SFI1: variants seen among roughly 807,000 people sequenced by gnomAD.
The protein encoded by SFI1 is protein SFI1 homolog.
SFI1 carries 195 observed loss-of-function variants against 207.5 expected under a neutral mutation model. The observed-to-expected ratio is 0.94, with a 90% confidence interval of 0.84 to 1.06. SFI1 has a LOEUF of 1.06. Ranked by LOEUF, SFI1 falls within the 50% of genes least tolerant of loss-of-function variation. The pLI is 0.00. For missense variants in SFI1, 1,634 were observed against 1,588.0 expected (o/e 1.03, Z -0.49); for synonymous variants, 630 against 598.9 (o/e 1.05, Z -0.76).
intron 4 of SFI1, among the ~76,000 whole-genome samples, chr22:31,540,120 G>C (rs961570934): frequency 6.7e-5 from 8 of 119,870 alleles, no homozygotes. Context: ...GTCTCTGAAG[G>C]CCTTTCCCCT....
intron 2 of SFI1, among the ~76,000 whole-genome samples, chr22:31,525,188 C>A (rs910937532): frequency 4.6e-5 from 7 of 152,092 alleles, no homozygotes; most frequent in Non-Finnish European, 8.8e-5. Flanking sequence ...TTTACTTTTG[C>A]TTTTGTTGCC....
chr22:31,553,837 T>C (rs764879873), intron 6 of SFI1, among the ~76,000 whole-genome samples: 5 of 113,094 alleles, frequency 4.4e-5, no homozygotes, highest in Admixed American at 3.0e-4. Context: ...TAATGGATTA[T>C]GTTTTTTTTT....
intron 20 of SFI1, 46 bp downstream of exon 20, chr22:31,604,991 A>G (rs2068729115): frequency 1.3e-6 from 2 of 1,522,806 alleles, no homozygotes; most frequent in South Asian, 1.3e-5. Flanking sequence ...GGAACAAGGA[A>G]TGCACTCCAA....
Position 31,602,805 on chromosome 22 carries a change from T to G in SFI1, c.1805+20T>G. On this transcript the variant is annotated intron_variant, in intron 17 of 32. Transcript: ENST00000400288. ...AACAGAGTGAGTGGCCAGTTCTGCC[T>G]TACAAGCCTTTCCATCACAGGCCAG... is the stretch of plus-strand genomic sequence containing the variant. 6.2e-7 allele frequency: 1 copy of G among 1,607,408 alleles called. No individual in the cohort carries two copies. The highest frequency in any genetic ancestry group is 2.2e-5 in the East Asian group (1 of 44,786).
intron 2 of SFI1, among the ~76,000 whole-genome samples, chr22:31,526,389 A>G (rs935858758): frequency 3.3e-5 from 5 of 152,190 alleles, no homozygotes; most frequent in African/African-American, 1.2e-4. Flanking sequence ...AAAGCCCCAT[A>G]TAAAACCATC....
Position 31,528,744 on chromosome 22 carries a change from C to A in SFI1, c.147C>A (p.Asn49Lys). The stretch of plus-strand genomic sequence containing the variant: ...CTTATTCTGCAAAGACACTGTCCAA[C>A]AAGAAGTCTTCTGCATCCTTTGGGA... ...KKPYSAKTLS[N>K]KKSSASFGIR... is the part of the protein sequence containing the mutation. The change falls in exon 3 of 33, where the codon AAC becomes AAA. Residue 49 changes from asparagine to lysine, a missense_variant. Coordinates refer to ENST00000400288, the MANE Select transcript of SFI1 (RefSeq NM_001007467.3). 4 of 1,614,180 alleles carry A rather than the reference C, an allele frequency of 2.5e-6. No homozygotes were observed. The highest frequency in any genetic ancestry group is 3.4e-6 in the Non-Finnish European group (4 of 1,180,022).
chr22:31,503,315 G>A (rs892983992), intron 1 of SFI1, among the ~76,000 whole-genome samples: 2 of 152,098 alleles, frequency 1.3e-5, no homozygotes, highest in African/African-American at 2.4e-5. Flanking sequence ...CAGAAGTGGC[G>A]TGAATACCCT....
chr22:31,576,228 T>C (rs1328687712), intron 10 of SFI1, among the ~76,000 whole-genome samples: 2 of 152,092 alleles, frequency 1.3e-5, no homozygotes, highest in African/African-American at 4.8e-5. Context: ...TTTCGCCATG[T>C]TGGCCAGGCT....
At chr22:31,532,909 G>T (rs569630278) in intron 4 of SFI1, among the ~76,000 whole-genome samples, 1 of 152,312 alleles carries the variant, frequency 6.6e-6, no homozygotes, top group South Asian at 2.1e-4. Context: ...GGGAATTGGG[G>T]TGGTTTAAGG....
chr22:31,541,693 G>A lies in SFI1; in HGVS notation c.339-5168G>A, dbSNP rs1298252858. On this transcript the variant is annotated intron_variant, in intron 4 of 32. Transcript: ENST00000400288. ...CAGGAGGCAGAGGTTGCAGTGAGCC[G>A]AGGTGGTGCCACTGCACTCCAGCCT... Among the ~76,000 whole-genome samples, 5 of 147,200 alleles carry A rather than the reference G, an allele frequency of 3.4e-5. 1 individual carries two copies. The highest frequency in any genetic ancestry group is 2.1e-4 in the Admixed American group (3 of 14,464).
At chr22:31,559,487 C>T in intron 7 of SFI1, 1 of 497,024 alleles carries the variant, frequency 2.0e-6, no homozygotes, top group Non-Finnish European at 3.8e-6. Context: ...CCTGCTATGT[C>T]TCTAGTGATC....
chr22:31,577,580 T>C (rs927860603), intron 10 of SFI1, among the ~76,000 whole-genome samples: 3 of 151,098 alleles, frequency 2.0e-5, no homozygotes, highest in African/African-American at 7.3e-5. Flanking sequence ...GCTTCAGGGG[T>C]TTTTAAGAAG....
chr22:31,530,595 C>T (rs913432991), intron 3 of SFI1: 5 of 469,798 alleles, frequency 1.1e-5, no homozygotes, highest in African/African-American at 1.0e-4. Context: ...CTTTCAGGGG[C>T]TCACAGTGCA....
At chr22:31,572,986 T>A (rs1041082048) in intron 8 of SFI1, 72 bp from the exon 9 acceptor site, 1 of 1,500,796 alleles carries the variant, frequency 6.7e-7, no homozygotes, top group Non-Finnish European at 9.1e-7. Flanking sequence ...CCTTTCTCTT[T>A]TCCCTCTCCA....
intron 8 of SFI1, among the ~76,000 whole-genome samples, chr22:31,565,209 G>A (rs1048529991): frequency 6.6e-6 from 1 of 151,902 alleles, no homozygotes; most frequent in African/African-American, 2.4e-5. Flanking sequence ...CCTCCTTAGA[G>A]ATAGCCACTC....
chr22:31,498,468 TGAA>T (rs1370155241), intron 1 of SFI1, among the ~76,000 whole-genome samples: 1 of 151,750 alleles, frequency 6.6e-6, no homozygotes, highest in Admixed American at 6.6e-5. Context: ...CTGGCCAACT[TGAA>T]GAAACCCTGT....
intron 2 of SFI1, among the ~76,000 whole-genome samples, chr22:31,526,716 C>T (rs775785331): frequency 2.6e-5 from 4 of 151,878 alleles, no homozygotes; most frequent in Admixed American, 6.6e-5. Context: ...CCACCACACC[C>T]GGCTAATTTT....
chr22:31,528,379 A>G (rs2058137031), intron 2 of SFI1, among the ~76,000 whole-genome samples: 2 of 151,286 alleles, frequency 1.3e-5, no homozygotes, highest in South Asian at 2.1e-4. Flanking sequence ...AGCTGTGGTC[A>G]TGCCACAGCA....
intron 1 of SFI1, 22 bp from the exon 2 acceptor site, chr22:31,508,233 T>G: frequency 7.2e-7 from 1 of 1,383,278 alleles, no homozygotes; most frequent in South Asian, 1.2e-5. Flanking sequence ...TTTCTCTCTT[T>G]TTTATTCTCT....
Sources: gnomAD v4.1 joint callset for allele counts (sites outside exome capture counted in the v4.1 genomes callset) on GRCh38, gnomAD v4.1.1 for gene constraint, MANE v1.5 for transcripts, NCBI Gene and HGNC (gene_info 2026-07-23, HGNC 2026-07-21) for gene names.